CACNG4: variants seen among roughly 807,000 people sequenced by gnomAD.
The protein encoded by CACNG4 is calcium voltage-gated channel auxiliary subunit gamma 4.
Under a neutral mutation model 22.9 loss-of-function variants are expected in CACNG4, and 8 were observed. The ratio of observed to expected loss-of-function variants is 0.35; its 90% CI spans 0.21 to 0.63. The LOEUF is 0.63. Among genes scored for constraint, CACNG4 ranks in the 30% least tolerant of loss-of-function variants. The probability of loss-of-function intolerance (pLI) is 0.72; values close to 1 mark genes in which losing one functional copy is unlikely to be tolerated. For synonymous variants in CACNG4, 188 were observed against 191.9 expected (o/e 0.98, Z 0.17); for missense variants, 357 against 455.4 (o/e 0.78, Z 1.97).
intron 2 of CACNG4, among the ~76,000 whole-genome samples, chr17:67,021,163 T>C (rs1223660177): frequency 6.6e-6 from 1 of 151,802 alleles, no homozygotes; most frequent in East Asian, 1.9e-4. Flanking sequence ...ATCGTGCCAC[T>C]GCACTCCAGC....
chr17:66,995,359 G>A (rs2035367579), intron 1 of CACNG4, among the ~76,000 whole-genome samples: 1 of 152,182 alleles, frequency 6.6e-6, no homozygotes, highest in Non-Finnish European at 1.5e-5. Context: ...TCACACGGCA[G>A]CCTCTCATGA....
At chr17:67,004,161 C>T (rs1217609017) in intron 1 of CACNG4, among the ~76,000 whole-genome samples, 1 of 152,196 alleles carries the variant, frequency 6.6e-6, no homozygotes, top group Non-Finnish European at 1.5e-5. Flanking sequence ...ACAACAACAA[C>T]AACCCTTAGT....
intron 1 of CACNG4, among the ~76,000 whole-genome samples, chr17:67,013,883 A>G (rs16960481): frequency 0.035 from 5,313 of 152,144 alleles, 297 homozygotes; most frequent in African/African-American, 0.12. Context: ...TGTGCAGACG[A>G]GCCTGTACCT....
intron 1 of CACNG4, among the ~76,000 whole-genome samples, chr17:67,000,646 TC>T (rs1340823946): frequency 6.6e-6 from 1 of 152,018 alleles, no homozygotes; most frequent in Non-Finnish European, 1.5e-5. Flanking sequence ...GTGGCCAAGG[TC>T]CCTAGGCCCT....
At position 67,015,992 on chromosome 17, in the gene CACNG4, C is replaced by T. The variant is rs542499721; in HGVS notation, c.221-2197C>T. 1.2e-3 allele frequency among the ~76,000 whole-genome samples: 181 copies of T among 152,220 alleles called. 2 individuals are homozygous for T. Among genetic ancestry groups the T allele is most frequent in the African/African-American group, 4.0e-3 (165 of 41,530 alleles). ...GCCTTTGTGTCCCCACCCCACCACC[C>T]TGAGGCCAGCCTGTCTTGGAGTTCC... On this transcript the variant is annotated intron_variant, in intron 1 of 3. Transcript: ENST00000262138.
intron 2 of CACNG4, 98 bp downstream of exon 2, chr17:67,018,370 A>T: frequency 1.2e-6 from 1 of 859,398 alleles, no homozygotes. Context: ...GGAGAGGGTG[A>T]TTGTCTTGGG....
chr17:67,028,056 T>TA (rs200282361), intron 3 of CACNG4, among the ~76,000 whole-genome samples: 75 of 148,642 alleles, frequency 5.0e-4, no homozygotes, highest in South Asian at 1.3e-3. Context: ...ACTAGTAGGG[T>TA]AAAAAAAAAC....
At chr17:66,999,649 A>C (rs1483039994) in intron 1 of CACNG4, among the ~76,000 whole-genome samples, 4 of 152,110 alleles carry the variant, frequency 2.6e-5, no homozygotes, top group African/African-American at 4.8e-5. Context: ...GGAGAACACC[A>C]CGGGGGGAAA....
At chr17:66,973,237 TAAA>T (rs10718135) in intron 1 of CACNG4, among the ~76,000 whole-genome samples, 14 of 141,848 alleles carry the variant, frequency 9.9e-5, no homozygotes, top group Non-Finnish European at 1.1e-4. Flanking sequence ...AAGACTCCAT[TAAA>T]AAAAAAAAAA....
chr17:67,028,291 C>T (rs1321449945), intron 3 of CACNG4, among the ~76,000 whole-genome samples: 1 of 151,876 alleles, frequency 6.6e-6, no homozygotes, highest in Non-Finnish European at 1.5e-5. Context: ...CGGTGGCTCA[C>T]GCCTGTAATC....
chr17:67,022,035 T>C (rs2035535043), intron 2 of CACNG4, among the ~76,000 whole-genome samples: 1 of 151,264 alleles, frequency 6.6e-6, no homozygotes. Context: ...TGGATGGCTC[T>C]GAGCCAAGCC....
At chr17:67,024,768 C>T in intron 2 of CACNG4, 92 bp from the exon 3 acceptor site, 1 of 1,317,224 alleles carries the variant, frequency 7.6e-7, no homozygotes, top group Non-Finnish European at 9.9e-7. Context: ...GGGCCTGGAG[C>T]TGCAAGGTTC....
intron 1 of CACNG4, among the ~76,000 whole-genome samples, chr17:66,979,586 G>C (rs1333070297): frequency 6.6e-6 from 1 of 151,334 alleles, no homozygotes; most frequent in Non-Finnish European, 1.5e-5. Flanking sequence ...GGAATGAGGA[G>C]TGACTTATCT....
chr17:67,024,728 G>C, intron 2 of CACNG4, 132 bp from the exon 3 acceptor site: 1 of 1,058,114 alleles, frequency 9.5e-7, no homozygotes, highest in Non-Finnish European at 1.3e-6. Context: ...GAGTCTCCAG[G>C]TCCTGATGGG....
In CACNG4 at chr17:67,018,251, G is replaced by C; in HGVS notation, c.283G>C (p.Asp95His). The C allele has an allele frequency of 1.9e-6, 3 of 1,613,866 alleles. No homozygotes were observed. Among genetic ancestry groups the C allele is most frequent in the Non-Finnish European group, 2.5e-6 (3 of 1,179,758 alleles). The change falls in exon 2 of 4, where the codon GAC (aspartate) becomes CAC (histidine). Residue 95 changes from aspartate (D) to histidine (H), a missense_variant. By Grantham distance (81) the Asp-to-His change is moderately conservative. This residue lies in a region of CACNG4 where 114 missense variants were observed against 161.6 expected (regional missense o/e 0.71). Coordinates refer to ENST00000262138, the MANE Select transcript of CACNG4 (RefSeq NM_014405.4). ...HFPEDNDYDH[D>H]SSEYLLRIVR... The stretch of plus-strand genomic sequence containing the variant: ...CCCAGAGGACAATGACTACGACCAC[G>C]ACAGCTCGGAGTACCTCCTCCGTGA...
intron 1 of CACNG4, among the ~76,000 whole-genome samples, chr17:66,999,622 G>C (rs1430505986): frequency 1.3e-5 from 2 of 152,154 alleles, no homozygotes; most frequent in Non-Finnish European, 2.9e-5. Flanking sequence ...GATCTCGTGA[G>C]AACTCACTCA....
Position 67,025,148 on chromosome 17 carries a change from A to G in CACNG4, c.445+148A>G, listed in dbSNP as rs563784073. ...CATGCAACTGACTTGTAAAGTCCCAATGTTCAGGACTGGGGGTGGATGGAG... is the reference window on the plus strand; with the variant it reads ...CATGCAACTGACTTGTAAAGTCCCAGTGTTCAGGACTGGGGGTGGATGGAG... On this transcript the variant is annotated intron_variant, in intron 3 of 3. Coordinates refer to ENST00000262138, the MANE Select transcript of CACNG4 (RefSeq NM_014405.4). The G allele has an allele frequency of 2.0e-5, 15 of 738,122 alleles. No individual in the cohort carries two copies. In the South Asian group the frequency reaches 3.1e-4, roughly 15 times the overall value. The allele number at this position is 738,122 out of a possible 1,614,324, so 45.7% of individuals were successfully genotyped here.
chr17:67,012,671 C>T (rs781551387), intron 1 of CACNG4, among the ~76,000 whole-genome samples: 3 of 152,148 alleles, frequency 2.0e-5, no homozygotes, highest in Non-Finnish European at 4.4e-5. Context: ...GTTGCACGTG[C>T]GCGAGTGCAG....
intron 1 of CACNG4, among the ~76,000 whole-genome samples, chr17:67,012,414 G>T (rs1018072126): frequency 1.3e-5 from 2 of 152,172 alleles, no homozygotes; most frequent in East Asian, 3.9e-4. Flanking sequence ...TGGCATGCAG[G>T]GGGTGTATCT....
Sources: gnomAD v4.1 joint callset for allele counts (sites outside exome capture counted in the v4.1 genomes callset) on GRCh38, gnomAD v4.1.1 for gene constraint, gnomAD v4.1.1 regional missense constraint, MANE v1.5 for transcripts, NCBI Gene and HGNC (gene_info 2026-07-23, HGNC 2026-07-21) for gene names.